Variants in TACC1 observed in about 807,000 individuals in gnomAD.
The protein encoded by TACC1 is transforming acidic coiled-coil-containing protein 1.
Under a neutral mutation model 84.4 loss-of-function variants are expected in TACC1, and 48 were observed. The observed-to-expected ratio is 0.57, with a 90% confidence interval of 0.45 to 0.72. TACC1 has a LOEUF of 0.72. TACC1 is among the 30% of genes least tolerant of loss of function. The pLI is 0.00. For missense variants in TACC1, 920 were observed against 973.0 expected, an observed-to-expected ratio of 0.95 and a Z score of 0.72; for synonymous variants, 372 against 376.3, an observed-to-expected ratio of 0.99 and a Z score of 0.13.
chr8:38,807,414 A>G (rs915473345), intron 2 of TACC1, among the ~76,000 whole-genome samples: 2 of 152,168 alleles, frequency 1.3e-5, no homozygotes, highest in African/African-American at 4.8e-5. Context: ...TCTCAATTAT[A>G]TGTCAGCTGT....
intron 2 of TACC1, among the ~76,000 whole-genome samples, chr8:38,810,209 G>A (rs996011989): frequency 4.6e-5 from 7 of 151,800 alleles, no homozygotes; most frequent in African/African-American, 7.3e-5. Context: ...TACCTGTGAT[G>A]TAATTATCAA....
At position 38,834,980 on chromosome 8, in the gene TACC1, G is replaced by A. The variant is rs141476526; in HGVS notation, c.1714-1182G>A. On this transcript the variant is annotated intron_variant, in intron 6 of 12. Transcript: ENST00000317827. ...ATAAAAAGTTTACTTCTGGCCAGGC[G>A]CGGTGGCTCACGCCTGTAATCCCAG... is the stretch of plus-strand genomic sequence containing the variant. 5.4e-3 allele frequency among the ~76,000 whole-genome samples: 818 copies of A among 152,252 alleles called. 9 individuals carry two copies. The highest frequency in any genetic ancestry group is 0.018 in the African/African-American group (767 of 41,556).
chr8:38,755,362 A>G (rs1809802691), intron 3 of TACC1, among the ~76,000 whole-genome samples: 1 of 152,136 alleles, frequency 6.6e-6, no homozygotes, highest in South Asian at 2.1e-4. Context: ...TGTATATAAA[A>G]CAAGAACCAG....
At chr8:38,806,564 A>G (rs1822781700) in intron 2 of TACC1, among the ~76,000 whole-genome samples, 2 of 152,018 alleles carry the variant, frequency 1.3e-5, no homozygotes, top group Admixed American at 1.3e-4. Context: ...GGGGCTGGCT[A>G]GGTTGAGGAT....
At chr8:38,750,185 T>G (rs1298410357) in intron 3 of TACC1, among the ~76,000 whole-genome samples, 1 of 152,006 alleles carries the variant, frequency 6.6e-6, no homozygotes, top group Non-Finnish European at 1.5e-5. Context: ...TCCTGTCTCT[T>G]AAAGAAAAAA....
chr8:38,778,953 A>G (rs540244931), intron 3 of TACC1, among the ~76,000 whole-genome samples: 16 of 147,538 alleles, frequency 1.1e-4, no homozygotes, highest in Admixed American at 6.1e-4. Context: ...TCTCATTTGT[A>G]TCAGTAGGGG....
intron 2 of TACC1, among the ~76,000 whole-genome samples, chr8:38,816,011 C>T (rs1785428181): frequency 6.7e-6 from 1 of 149,300 alleles, no homozygotes; most frequent in Admixed American, 6.7e-5. Context: ...GTTTGGATTA[C>T]ATGTTATTGA....
intron 1 of TACC1, chr8:38,788,482 A>C: frequency 1.3e-5 from 6 of 452,876 alleles, no homozygotes; most frequent in Admixed American, 3.9e-5. Flanking sequence ...GCTCCAGGGA[A>C]TGGAGGAGCT....
chr8:38,787,212 C>G (rs1048160102), upstream of TACC1: 5 of 993,020 alleles, frequency 5.0e-6, no homozygotes, highest in Non-Finnish European at 4.8e-6. Context: ...GCAGCTGATG[C>G]GCGCCCCGCC....
rs1827835481 is a variant in TACC1 at position 38,825,443 on chromosome 8, G to A, written c.1452+75G>A. Reference sequence around the variant, plus strand: ...GTGGGAGTTTGCATCCCCCTGGCGGGTGGTTCAAAAGGACTTTCCAATGGG... The same window carrying A: ...GTGGGAGTTTGCATCCCCCTGGCGGATGGTTCAAAAGGACTTTCCAATGGG... On this transcript the variant is annotated intron_variant, in intron 4 of 12. Transcript: ENST00000317827. 1.5e-5 allele frequency: 23 copies of A among 1,566,062 alleles called. No individual in the cohort carries two copies. In the South Asian group the frequency reaches 2.2e-4, roughly 15 times the overall value.
intron 11 of TACC1, among the ~76,000 whole-genome samples, chr8:38,843,740 A>G (rs1228807172): frequency 6.6e-6 from 1 of 152,182 alleles, no homozygotes; most frequent in African/African-American, 2.4e-5. Context: ...TGTCAGTGCA[A>G]GAAGAGCTTC....
At chr8:38,825,679 T>A (rs1241965193) in intron 4 of TACC1, among the ~76,000 whole-genome samples, 2 of 152,316 alleles carry the variant, frequency 1.3e-5, no homozygotes, top group Middle Eastern at 3.4e-3. Context: ...TAGGTTCTAA[T>A]AAGATAATTG....
chr8:38,769,131 G>A (rs62640232), intron 3 of TACC1, among the ~76,000 whole-genome samples: 29,721 of 145,330 alleles, frequency 0.2, 3,424 homozygotes, highest in Non-Finnish European at 0.27. Flanking sequence ...GGGTGTGTGT[G>A]GTATATGTGT....
chr8:38,812,608 C>T (rs1441572419), intron 2 of TACC1, among the ~76,000 whole-genome samples: 1 of 152,216 alleles, frequency 6.6e-6, no homozygotes, highest in African/African-American at 2.4e-5. Flanking sequence ...TCCTTTTCCA[C>T]ATTGCAACTG....
rs572850976 is a variant in TACC1, at chr8:38,747,890, G to A, written c.26+2397G>A. 5.3e-5 allele frequency among the ~76,000 whole-genome samples: 8 copies of A among 152,256 alleles called. No homozygotes were observed. The South Asian group carries it at 1.5e-3, about 28-fold the overall frequency. On this transcript the variant is annotated intron_variant, in intron 3 of 14. Coordinates refer to the TACC1 transcript ENST00000518415. ...AATGATACATCAGTGTAGGTTCATT[G>A]ATTGTAGCAAATGCACCACTCTGGT... is the stretch of plus-strand genomic sequence containing the variant.
At chr8:38,832,266 A>G (rs1249619098) in intron 6 of TACC1, among the ~76,000 whole-genome samples, 1 of 152,368 alleles carries the variant, frequency 6.6e-6, no homozygotes, top group East Asian at 1.9e-4. Context: ...CTAGTGTGCT[A>G]GAATACACTG....
intron 2 of TACC1, 125 bp from the exon 3 acceptor site, chr8:38,819,397 T>C: frequency 8.8e-7 from 1 of 1,130,438 alleles, no homozygotes; most frequent in Non-Finnish European, 1.2e-6. Flanking sequence ...TTCCTGAACT[T>C]TAGAGATGCT....
intron 8 of TACC1, among the ~76,000 whole-genome samples, chr8:38,838,896 A>C (rs1171275922): frequency 6.6e-6 from 1 of 151,894 alleles, no homozygotes; most frequent in Non-Finnish European, 1.5e-5. Flanking sequence ...GAAATTCATA[A>C]TACTACTTTT....
intron 3 of TACC1, among the ~76,000 whole-genome samples, chr8:38,764,677 A>G (rs750156847): frequency 1.3e-5 from 2 of 152,148 alleles, no homozygotes; most frequent in Non-Finnish European, 2.9e-5. Context: ...GGAAAATGCT[A>G]AGGTCTTGGC....
Sources: allele counts gnomAD v4.1 joint callset (sites outside exome capture counted in the v4.1 genomes callset), GRCh38; gene constraint gnomAD v4.1.1; transcripts MANE v1.5; gene names NCBI Gene and HGNC (gene_info 2026-07-23, HGNC 2026-07-21).